SLC39A8: variants seen among roughly 807,000 people sequenced by gnomAD.
The protein encoded by SLC39A8 is metal cation symporter ZIP8.
SLC39A8 carries 15 observed loss-of-function variants against 40.4 expected under a neutral mutation model. The observed-to-expected ratio is 0.37, with a 90% CI of 0.25 to 0.57. The LOEUF (loss-of-function observed/expected upper bound fraction) is 0.57. Ranked by LOEUF, SLC39A8 falls within the 20% of genes least tolerant of loss-of-function variation. SLC39A8 has a pLI of 0.75. For missense variants in SLC39A8, 472 were observed against 558.8 expected, an observed-to-expected ratio of 0.84 and a Z score of 1.57; for synonymous variants, 223 against 221.6, an observed-to-expected ratio of 1.01 and a Z score of -0.06.
chr4:102,305,808 C>T (rs1578596231), intron 4 of SLC39A8, among the ~76,000 whole-genome samples: 1 of 152,062 alleles, frequency 6.6e-6, no homozygotes, highest in East Asian at 1.9e-4. Flanking sequence ...ATGTTCCTAA[C>T]AGACAAGACA....
chr4:102,330,612 C>T (rs956855226), intron 2 of SLC39A8, among the ~76,000 whole-genome samples: 1 of 152,134 alleles, frequency 6.6e-6, no homozygotes, highest in Non-Finnish European at 1.5e-5. Flanking sequence ...GGAGCTGGTA[C>T]CATTCCTTCT....
chr4:102,317,320 T>C (rs1734706527), intron 2 of SLC39A8, among the ~76,000 whole-genome samples: 1 of 152,180 alleles, frequency 6.6e-6, no homozygotes, highest in Non-Finnish European at 1.5e-5. Flanking sequence ...AGATTACAAC[T>C]ACCTTACAGA....
At chr4:102,272,164 C>T (rs1174258473) in intron 6 of SLC39A8, among the ~76,000 whole-genome samples, 2 of 151,962 alleles carry the variant, frequency 1.3e-5, no homozygotes, top group African/African-American at 4.8e-5. Context: ...ATAACTAGAC[C>T]TCGTCTATAC....
At chr4:102,312,934 A>G (rs1430017360) in intron 3 of SLC39A8, among the ~76,000 whole-genome samples, 1 of 152,160 alleles carries the variant, frequency 6.6e-6, no homozygotes. Context: ...AGTCAAGGGT[A>G]GTATCCTAAA....
intron 6 of SLC39A8, among the ~76,000 whole-genome samples, chr4:102,279,224 C>A (rs967143170): frequency 3.3e-5 from 5 of 152,028 alleles, no homozygotes; most frequent in Non-Finnish European, 7.4e-5. Flanking sequence ...CTGTCCAAGG[C>A]AGTAATTCTT....
At chr4:102,275,711 C>G (rs1732587916) in intron 6 of SLC39A8, among the ~76,000 whole-genome samples, 1 of 152,178 alleles carries the variant, frequency 6.6e-6, no homozygotes, top group Admixed American at 6.5e-5. Context: ...AGCACTTATT[C>G]TAAAAGAGAC....
In SLC39A8 at chr4:102,344,691, G is replaced by C. The variant is rs1259098435; in HGVS notation, c.-29C>G. 1 of 1,417,686 alleles carries C rather than the reference G, an allele frequency of 7.1e-7. No individual in the cohort carries two copies. The highest frequency in any genetic ancestry group is 3.4e-5 in the Admixed American group (1 of 29,388). The allele number at this position is 1,417,686 out of a possible 1,614,324, so 87.8% of individuals were successfully genotyped here. On this transcript the variant is annotated 5_prime_UTR_variant, in exon 2 of 9. Transcript: ENST00000356736. ...GGCCTGGGCTTCCCCTTGAGGGCCC[G>C]CGACGGGCTGCCGCGCAGAGGGACG...
At chr4:102,335,222 T>C (rs1467397941) in intron 2 of SLC39A8, among the ~76,000 whole-genome samples, 1 of 152,168 alleles carries the variant, frequency 6.6e-6, no homozygotes, top group Non-Finnish European at 1.5e-5. Flanking sequence ...ATAGCATGCA[T>C]CTCTTAACAT....
intron 6 of SLC39A8, among the ~76,000 whole-genome samples, chr4:102,290,865 CACAA>C (rs763139122): frequency 6.6e-6 from 1 of 152,116 alleles, no homozygotes; most frequent in Non-Finnish European, 1.5e-5. Flanking sequence ...ACAATCCACC[CACAA>C]ACACTTTCTC....
intron 2 of SLC39A8, among the ~76,000 whole-genome samples, chr4:102,333,160 C>T (rs1414179147): frequency 1.3e-5 from 2 of 151,776 alleles, no homozygotes; most frequent in South Asian, 2.1e-4. Flanking sequence ...AACTTGAAGT[C>T]TAATAAAATA....
chr4:102,316,402 G>A (rs759758584), intron 2 of SLC39A8, among the ~76,000 whole-genome samples: 7 of 152,120 alleles, frequency 4.6e-5, no homozygotes, highest in African/African-American at 7.2e-5. Flanking sequence ...TCTCAATGAC[G>A]TTGGGTAACT....
At chr4:102,329,612 G>C (rs923663561) in intron 2 of SLC39A8, among the ~76,000 whole-genome samples, 2 of 108,600 alleles carry the variant, frequency 1.8e-5, no homozygotes, top group African/African-American at 7.3e-5. Context: ...GAGAGAGCAA[G>C]AATCTGTCTC....
chr4:102,273,389 T>C (rs1732459526), intron 6 of SLC39A8, among the ~76,000 whole-genome samples: 1 of 152,140 alleles, frequency 6.6e-6, no homozygotes, highest in Admixed American at 6.5e-5. Context: ...CCAGACTGCC[T>C]CTCTAGATTC....
chr4:102,299,206 T>C lies in SLC39A8; in HGVS notation c.840+5111A>G, dbSNP rs541982457. 1.2e-4 allele frequency among the ~76,000 whole-genome samples: 18 copies of C among 151,484 alleles called. No individual in the cohort carries two copies. The South Asian group carries it at 3.3e-3, about 28-fold the overall frequency. ...CCTTCTTCCCACCGCCAGGCAAGAATGGAGAAAAACACACCACCCAAAAGA... is the reference window on the plus strand; with the variant it reads ...CCTTCTTCCCACCGCCAGGCAAGAACGGAGAAAAACACACCACCCAAAAGA... On this transcript the variant is annotated intron_variant, in intron 6 of 8. Coordinates refer to ENST00000356736, the MANE Select transcript of SLC39A8 (RefSeq NM_001135146.2).
intron 6 of SLC39A8, among the ~76,000 whole-genome samples, chr4:102,280,170 C>T (rs1309812409): frequency 6.6e-6 from 1 of 152,216 alleles, no homozygotes; most frequent in African/African-American, 2.4e-5. Context: ...CTACACAAAA[C>T]TAGCTCCTTT....
intron 6 of SLC39A8, among the ~76,000 whole-genome samples, chr4:102,296,473 A>T (rs1407308215): frequency 1.3e-5 from 2 of 152,050 alleles, no homozygotes; most frequent in African/African-American, 4.8e-5. Context: ...AGGGAGGGAG[A>T]TGTATATTTA....
chr4:102,332,490 C>T (rs1010260640), intron 2 of SLC39A8, among the ~76,000 whole-genome samples: 1 of 152,148 alleles, frequency 6.6e-6, no homozygotes, highest in Non-Finnish European at 1.5e-5. Flanking sequence ...GTTAGAATGG[C>T]GATCAGTAAA....
intron 2 of SLC39A8, among the ~76,000 whole-genome samples, chr4:102,320,510 A>G (rs1407412622): frequency 1.5e-5 from 1 of 66,292 alleles, no homozygotes; most frequent in Non-Finnish European, 2.8e-5. Flanking sequence ...GAATATATAT[A>G]TGAGAGTATA....
chr4:102,305,959 G>A (rs1228069644), intron 4 of SLC39A8, among the ~76,000 whole-genome samples: 1 of 151,968 alleles, frequency 6.6e-6, no homozygotes, highest in East Asian at 1.9e-4. Flanking sequence ...TGCCTCTGGG[G>A]AGACATCATG....
Sources: allele counts gnomAD v4.1 joint callset (sites outside exome capture counted in the v4.1 genomes callset), GRCh38; gene constraint gnomAD v4.1.1; transcripts MANE v1.5; gene names NCBI Gene and HGNC (gene_info 2026-07-23, HGNC 2026-07-21).